KIF1B: variants seen among roughly 807,000 people sequenced by gnomAD.
KIF1B encodes kinesin family member 1B.
KIF1B carries 76 observed loss-of-function variants against 241.9 expected under a neutral mutation model. The observed-to-expected ratio is 0.31, with a 90% CI of 0.26 to 0.38. The LOEUF (loss-of-function observed/expected upper bound fraction) is 0.38. Among genes scored for constraint, KIF1B ranks in the 10% least tolerant of loss-of-function variants. The pLI is 1.00. For synonymous variants in KIF1B, 750 were observed against 796.7 expected (o/e 0.94, Z 0.99); for missense variants, 1,622 against 2,271.4 (o/e 0.71, Z 5.81).
In KIF1B at chr1:10,303,459, G is replaced by T. The variant is rs587777883; in HGVS notation, c.2115+6213G>T. The T allele has an allele frequency of 5.8e-5, 93 of 1,614,114 alleles. No individual in the cohort carries two copies. Among genetic ancestry groups the T allele is most frequent in the Non-Finnish European group, 7.7e-5 (91 of 1,180,048 alleles). On this transcript the variant is annotated intron_variant, in intron 22 of 48. Transcript: ENST00000676179. The surrounding 1 kb of genome is among the most constrained non-coding windows in gnomAD (Gnocchi z 5.2). The stretch of plus-strand genomic sequence containing the variant: ...ATGACTTCAGGCACAGTCGGCAGGA[G>T]ATTGAAGCCCTGGCCATTGTCAAGA...
At chr1:10,315,221 C>T (rs1339579603) in intron 22 of KIF1B, among the ~76,000 whole-genome samples, 1 of 143,348 alleles carries the variant, frequency 7.0e-6, no homozygotes, top group African/African-American at 2.7e-5. Flanking sequence ...ACTCTGTTGC[C>T]CAGGCTAGAG....
rs1360448809 is a variant in KIF1B at position 10,278,013 on chromosome 1, A to G, written c.1065A>G (p.Lys355=). The G allele has an allele frequency of 6.2e-7, 1 of 1,614,072 alleles. No homozygotes were observed. Among genetic ancestry groups the G allele is most frequent in the East Asian group, 2.2e-5 (1 of 44,858 alleles). The change falls in exon 13 of 49, where the codon AAA becomes AAG. Residue 355 remains lysine (K), a synonymous_variant. Transcript: ENST00000676179. ...LRYADRAKQI[K]CNAVINEDPN... ...ATGCAGATCGTGCAAAACAAATTAA[A>G]TGCAATGCTGTTATCAATGAGGACC...
intron 48 of KIF1B, among the ~76,000 whole-genome samples, chr1:10,375,967 T>C (rs1018551850): frequency 3.3e-5 from 5 of 151,092 alleles, no homozygotes; most frequent in African/African-American, 1.2e-4. Context: ...CAGCTAATTT[T>C]TTTTTTTGTA....
At chr1:10,239,932 A>ATT (rs1185263225) in intron 2 of KIF1B, among the ~76,000 whole-genome samples, 1 of 151,620 alleles carries the variant, frequency 6.6e-6, no homozygotes, top group African/African-American at 2.4e-5. Context: ...TGCCTGGCTA[A>ATT]TTTTTTTGTA....
chr1:10,258,204 T>C (rs1337341349), intron 3 of KIF1B, among the ~76,000 whole-genome samples: 1 of 152,206 alleles, frequency 6.6e-6, no homozygotes, highest in Non-Finnish European at 1.5e-5. Flanking sequence ...AGTGATACTT[T>C]TAAGGTTATA....
chr1:10,330,913 TG>T (rs1651895580), intron 27 of KIF1B, among the ~76,000 whole-genome samples: 1 of 152,168 alleles, frequency 6.6e-6, no homozygotes, highest in Non-Finnish European at 1.5e-5. Context: ...CACATAACGT[TG>T]GGGGACCTGT....
At chr1:10,250,240 C>T (rs7547185) in intron 2 of KIF1B, among the ~76,000 whole-genome samples, 10 of 152,088 alleles carry the variant, frequency 6.6e-5, no homozygotes, top group African/African-American at 2.2e-4. Context: ...TGTTTCACTC[C>T]TTTAATTCTG....
At chr1:10,370,878 G>C in intron 44 of KIF1B, among the ~76,000 whole-genome samples, 1 of 152,146 alleles carries the variant, frequency 6.6e-6, no homozygotes, top group Non-Finnish European at 1.5e-5. Flanking sequence ...CAGGAGGATC[G>C]CTGGAGCCCA....
intron 44 of KIF1B, among the ~76,000 whole-genome samples, chr1:10,370,118 T>C (rs1412108013): frequency 6.6e-6 from 1 of 151,874 alleles, no homozygotes; most frequent in Non-Finnish European, 1.5e-5. Context: ...CCGGGCGTGG[T>C]GGCACATGCC....
intron 2 of KIF1B, among the ~76,000 whole-genome samples, chr1:10,247,252 C>G (rs757076464): frequency 4.6e-5 from 7 of 152,232 alleles, no homozygotes; most frequent in Non-Finnish European, 7.3e-5. Flanking sequence ...TCTGATTTCA[C>G]ATTTGATCAT....
chr1:10,374,583 T>C lies in KIF1B; in HGVS notation c.5096+118T>C. 2 of 1,271,954 alleles carry C rather than the reference T, an allele frequency of 1.6e-6. No individual in the cohort carries two copies. Among genetic ancestry groups the C allele is most frequent in the Non-Finnish European group, 2.3e-6 (2 of 881,990 alleles). 78.8% of individuals were successfully genotyped at this position (1,271,954 alleles called of 1,614,324 possible). On this transcript the variant is annotated intron_variant, in intron 46 of 48. Coordinates refer to ENST00000676179, the MANE Select transcript of KIF1B (RefSeq NM_001365951.3). This position sits in a 1 kb window ranked among gnomAD's most constrained non-coding sequence, Gnocchi z 4.3. ...TAGTCTGATGCAATCTGTACTGTAG[T>C]CTGATGCAAGTTGAGTCTGGGGTGA...
rs181454124 is a variant in KIF1B, at chr1:10,378,599, C to A, written c.*2012C>A. On this transcript the variant is annotated 3_prime_UTR_variant, in exon 49 of 49. Transcript: ENST00000676179. ...GGCCTTGAGGTTGCTGACTCTCAGG[C>A]GTTAGGCAGCTGGATGACTTCCCGC... The A allele has an allele frequency of 6.7e-6, 4 of 595,820 alleles. No homozygotes were observed. In the East Asian group the frequency reaches 1.1e-4, roughly 17 times the overall value. 36.9% of individuals were successfully genotyped at this position (595,820 alleles called of 1,614,324 possible). A position where few individuals can be genotyped will look rare whatever the true frequency, so the allele number is the denominator to read the frequency against.
At chr1:10,267,820 TATC>T (rs538645876) in intron 6 of KIF1B, among the ~76,000 whole-genome samples, 28 of 152,312 alleles carry the variant, frequency 1.8e-4, no homozygotes, top group East Asian at 3.9e-4. Context: ...AAATGTTAGT[TATC>T]ATGTATATAT....
Position 10,374,395 on chromosome 1 carries a change from C to T in KIF1B, c.5026C>T (p.Pro1676Ser). The change falls in exon 46 of 49, where the codon CCA becomes TCA. Residue 1676 changes from proline (P) to serine (S), a missense_variant. Transcript: ENST00000676179. The surrounding 1 kb of genome is among the most constrained non-coding windows in gnomAD (Gnocchi z 4.3). Reference sequence around the variant, plus strand: ...TCAGATTGTCCCAGCTGTGGAAACACCATATTTGGCCCGAGCAGGAAAAAA... The same window carrying T: ...TCAGATTGTCCCAGCTGTGGAAACATCATATTTGGCCCGAGCAGGAAAAAA... ...QFQIVPAVET[P>S]YLARAGKNEF... The T allele has an allele frequency of 1.2e-6, 2 of 1,614,180 alleles. No individual in the cohort carries two copies. The highest frequency in any genetic ancestry group is 8.5e-7 in the Non-Finnish European group (1 of 1,180,022).
At position 10,251,099 on chromosome 1, in the gene KIF1B, G is replaced by C. The variant is rs534748400; in HGVS notation, c.107-5148G>C. Among the ~76,000 whole-genome samples the C allele has an allele frequency of 1.4e-4, 22 of 151,980 alleles. No individual in the cohort carries two copies. In the South Asian group the frequency reaches 1.7e-3, roughly 11 times the overall value. ...GAGAATCGCTTGAACCTAGGAGACA[G>C]CGGTTGCAGTGAGCCGAGATCGTGC... On this transcript the variant is annotated intron_variant, in intron 2 of 48. Coordinates refer to ENST00000676179, the MANE Select transcript of KIF1B (RefSeq NM_001365951.3).
intron 22 of KIF1B, among the ~76,000 whole-genome samples, chr1:10,300,515 T>TA (rs1212019449): frequency 2.0e-5 from 3 of 152,026 alleles, no homozygotes; most frequent in Non-Finnish European, 4.4e-5. Context: ...TTTTAGAGTT[T>TA]AAAGATAACT....
chr1:10,274,968 T>C (rs1275162033), intron 10 of KIF1B: 2 of 364,940 alleles, frequency 5.5e-6, no homozygotes, highest in South Asian at 2.0e-5. Context: ...TAGTATTGTG[T>C]TGATGTTTAA....
At chr1:10,255,241 G>A (rs1464244255) in intron 2 of KIF1B, among the ~76,000 whole-genome samples, 2 of 152,018 alleles carry the variant, frequency 1.3e-5, no homozygotes, top group Non-Finnish European at 2.9e-5. Flanking sequence ...GAGCCACCGC[G>A]CCCAGCTCCA....
At position 10,324,327 on chromosome 1, in the gene KIF1B, A is replaced by G. The variant is rs143126944; in HGVS notation, c.2537+265A>G. Among the ~76,000 whole-genome samples, 94 of 152,262 alleles carry G rather than the reference A, an allele frequency of 6.2e-4. No homozygotes were observed. The East Asian group carries it at 0.015, about 25-fold the overall frequency. On this transcript the variant is annotated intron_variant, in intron 25 of 48. Coordinates refer to ENST00000676179, the MANE Select transcript of KIF1B (RefSeq NM_001365951.3). ...TATAAATTTTAAATATTCCAGTTTC[A>G]TCATATTTCTGTTACAGATTTGGAA...
Sources: gnomAD v4.1 joint callset for allele counts (sites outside exome capture counted in the v4.1 genomes callset) on GRCh38, gnomAD v4.1.1 for gene constraint, Gnocchi (gnomAD v3.1) non-coding constraint, MANE v1.5 for transcripts, NCBI Gene and HGNC (gene_info 2026-07-23, HGNC 2026-07-21) for gene names.